Variants in ATR observed in about 807,000 individuals in gnomAD.
ATR encodes ATR checkpoint kinase, also known as serine/threonine-protein kinase ATR.
Under a neutral mutation model 305.3 loss-of-function variants are expected in ATR, and 142 were observed. That is an observed-to-expected ratio of 0.47 (90% CI 0.41 to 0.53). The LOEUF (loss-of-function observed/expected upper bound fraction) is 0.53. Among genes scored for constraint, ATR ranks in the 20% least tolerant of loss-of-function variants. ATR has a pLI of 0.00. For synonymous variants in ATR, 1,050 were observed against 1,068.1 expected (o/e 0.98, Z 0.33); for missense variants, 2,135 against 3,133.1 (o/e 0.68, Z 7.60).
In ATR at chr3:142,543,640, TTCC is replaced by T. The variant is rs2034148059; in HGVS notation, c.3358-886_3358-884del. On this transcript the variant is annotated intron_variant, in intron 16 of 46. Transcript: ENST00000350721. Reference sequence around the variant, plus strand: ...CCTTCCTTCCTTTCTATTTCTTTCTTTCCTCCTTTCTCTCTCTTTTTTCTTTTC... The same window carrying T: ...CCTTCCTTCCTTTCTATTTCTTTCTTTCCTTTCTCTCTCTTTTTTCTTTTC... Among the ~76,000 whole-genome samples the T allele has an allele frequency of 3.9e-5, 6 of 151,902 alleles. No homozygotes were observed. The South Asian group carries it at 1.0e-3, about 26-fold the overall frequency.
At chr3:142,485,056 T>C in intron 36 of ATR, 84 bp downstream of exon 36, 5 of 1,568,922 alleles carry the variant, frequency 3.2e-6, no homozygotes, top group Non-Finnish European at 4.4e-6. Context: ...ATACCTAGAA[T>C]ATGCTAAGAC....
At chr3:142,577,955 A>T (rs1380469526) in intron 1 of ATR, among the ~76,000 whole-genome samples, 1 of 152,208 alleles carries the variant, frequency 6.6e-6, no homozygotes, top group Non-Finnish European at 1.5e-5. Context: ...ATGCATTTGC[A>T]AATGAAATAT....
intron 32 of ATR, 65 bp downstream of exon 32, chr3:142,498,532 A>C: frequency 7.2e-6 from 11 of 1,521,026 alleles, no homozygotes; most frequent in Non-Finnish European, 9.9e-6. Context: ...TACTCAAAAA[A>C]ATTTTCCAAT....
chr3:142,523,967 T>C (rs1300724639), intron 22 of ATR, 26 bp downstream of exon 22: 1 of 1,601,128 alleles, frequency 6.2e-7, no homozygotes, highest in South Asian at 1.1e-5. Flanking sequence ...AGAACTCTTT[T>C]GTCATTCCAA....
Position 142,542,903 on chromosome 3 carries a change from C to T in ATR, c.3358-146G>A, listed in dbSNP as rs78817674. ...AAACACTTGGTTAATTAAGTTTCTCCAAAAGCATATATCTTCACATGTAGT... is the reference window on the plus strand; with the variant it reads ...AAACACTTGGTTAATTAAGTTTCTCTAAAAGCATATATCTTCACATGTAGT... On this transcript the variant is annotated intron_variant, in intron 16 of 46. Transcript: ENST00000350721. 63 of 700,694 alleles carry T rather than the reference C, an allele frequency of 9.0e-5. No individual in the cohort carries two copies. In the African/African-American group the frequency reaches 1.1e-3, roughly 12 times the overall value. 43.4% of individuals were successfully genotyped at this position (700,694 alleles called of 1,614,324 possible). A position where few individuals can be genotyped will look rare whatever the true frequency, so the allele number is the denominator to read the frequency against.
chr3:142,457,747 G>A lies in ATR; in HGVS notation c.7512C>T (p.Thr2504=), dbSNP rs778542099. The A allele has an allele frequency of 1.2e-6, 2 of 1,613,654 alleles. No individual in the cohort carries two copies. The highest frequency in any genetic ancestry group is 1.7e-5 in the Admixed American group (1 of 60,006). ...ATGGCACAATTTCTGGAACTTCAAA[G>A]GTTTCTCCCTTAGAAACAATACATT... The part of the protein sequence containing the change: ...DFNCLFNKGE[T]FEVPEIVPFR... Residue 2504 remains threonine (T), a synonymous_variant, in exon 45 of 47, where the codon ACC becomes ACT. Coordinates refer to ENST00000350721, the MANE Select transcript of ATR (RefSeq NM_001184.4).
chr3:142,451,247 C>A, intron 46 of ATR: 1 of 1,199,444 alleles, frequency 8.3e-7, no homozygotes. Context: ...GTGCAAGCTC[C>A]AGCTGTGGGA....
chr3:142,497,030 TA>T lies in ATR; in HGVS notation c.5720del (p.Leu1907TyrfsTer2). ...KEPILALRRA[L>X]LSLNKRPDYN... ...TGAGAAACCTTTTGTTGAGGCTTAG[TA>T]AAGCCCTCCGGAGAGCCAGGATAGG... On this transcript the variant is annotated frameshift_variant, in exon 33 of 47. Transcript: ENST00000350721. LOFTEE classifies it high-confidence loss of function. 3.7e-6 allele frequency: 6 copies of T among 1,613,128 alleles called. No individual in the cohort carries two copies. The highest frequency in any genetic ancestry group is 5.1e-6 in the Non-Finnish European group (6 of 1,179,754).
At chr3:142,482,670 A>G (rs529055163) in intron 36 of ATR, among the ~76,000 whole-genome samples, 15 of 152,156 alleles carry the variant, frequency 9.9e-5, no homozygotes, top group Admixed American at 9.8e-4. Context: ...TGTCTCTACA[A>G]AAAATTATTT....
intron 30 of ATR, among the ~76,000 whole-genome samples, chr3:142,502,116 A>C (rs2031999379): frequency 1.3e-5 from 2 of 152,214 alleles, no homozygotes; most frequent in African/African-American, 4.8e-5. Flanking sequence ...ATACTTATAC[A>C]CTGTTGGTGG....
In ATR at chr3:142,557,222, C is replaced by T. The variant is rs554704925; in HGVS notation, c.1886-647G>A. 2.6e-5 allele frequency among the ~76,000 whole-genome samples: 4 copies of T among 152,058 alleles called. No homozygotes were observed. The South Asian group carries it at 8.3e-4, about 32-fold the overall frequency. ...AGAATCAAAGACGCTCCATTTCTAACAAGTCCCTAAATGGTGGCGATGCTA... is the reference window on the plus strand; with the variant it reads ...AGAATCAAAGACGCTCCATTTCTAATAAGTCCCTAAATGGTGGCGATGCTA... On this transcript the variant is annotated intron_variant, in intron 8 of 46. Transcript: ENST00000350721.
intron 21 of ATR, among the ~76,000 whole-genome samples, chr3:142,533,585 G>C (rs2033744908): frequency 6.6e-6 from 1 of 152,082 alleles, no homozygotes; most frequent in South Asian, 2.1e-4. Context: ...GCCTGCTGGA[G>C]TATGGTTAGG....
chr3:142,461,537 G>A (rs998548621), intron 42 of ATR, among the ~76,000 whole-genome samples: 1 of 152,058 alleles, frequency 6.6e-6, no homozygotes, highest in Non-Finnish European at 1.5e-5. Context: ...AATCTAAAAC[G>A]TCAGACTTCA....
intron 1 of ATR, among the ~76,000 whole-genome samples, chr3:142,568,445 T>C (rs2035146088): frequency 6.6e-6 from 1 of 152,236 alleles, no homozygotes; most frequent in Non-Finnish European, 1.5e-5. Context: ...ATGTGATTAG[T>C]ACAAATTGAA....
chr3:142,535,974 AC>A (rs922715123), intron 20 of ATR, 133 bp downstream of exon 20: 10 of 669,484 alleles, frequency 1.5e-5, no homozygotes, highest in Non-Finnish European at 2.6e-5. Flanking sequence ...TTATCTACTC[AC>A]CAGGAATTAG....
At chr3:142,554,125 TA>T in intron 10 of ATR, 110 bp from the exon 11 acceptor site, 1 of 925,758 alleles carries the variant, frequency 1.1e-6, no homozygotes, top group Non-Finnish European at 1.6e-6. Flanking sequence ...AGTTCTCTTA[TA>T]ATGTCAATGT....
At chr3:142,503,029 G>A (rs1393078452) in intron 30 of ATR, among the ~76,000 whole-genome samples, 4 of 152,278 alleles carry the variant, frequency 2.6e-5, no homozygotes, top group African/African-American at 2.4e-5. Flanking sequence ...CCTCTAGCAC[G>A]GAAAATAAGT....
At chr3:142,542,383 A>C (rs2034084700) in intron 17 of ATR, among the ~76,000 whole-genome samples, 1 of 152,170 alleles carries the variant, frequency 6.6e-6, no homozygotes, top group Admixed American at 6.6e-5. Flanking sequence ...TGAGTCCAAA[A>C]TCAAGTTATG....
intron 38 of ATR, among the ~76,000 whole-genome samples, chr3:142,468,618 T>G (rs1200561856): frequency 6.6e-6 from 1 of 152,194 alleles, no homozygotes; most frequent in Admixed American, 6.5e-5. Flanking sequence ...CTAAATTCTC[T>G]AAACATTTAC....
Sources: gnomAD v4.1 joint callset for allele counts (sites outside exome capture counted in the v4.1 genomes callset) on GRCh38, gnomAD v4.1.1 for gene constraint, MANE v1.5 for transcripts, NCBI Gene and HGNC (gene_info 2026-07-23, HGNC 2026-07-21) for gene names.